PCDHGB5: variants seen among roughly 807,000 people sequenced by gnomAD.
PCDHGB5 encodes protocadherin gamma subfamily B, 5.
Under a neutral mutation model 62.9 loss-of-function variants are expected in PCDHGB5, and 48 were observed. The observed-to-expected ratio is 0.76, with a 90% CI of 0.61 to 0.97. PCDHGB5 has a LOEUF of 0.97. PCDHGB5 is among the 50% of genes least tolerant of loss of function. PCDHGB5 has a pLI of 0.00. For missense variants in PCDHGB5, 1,118 were observed against 1,198.6 expected, an observed-to-expected ratio of 0.93 and a Z score of 0.99; for synonymous variants, 474 against 511.2, an observed-to-expected ratio of 0.93 and a Z score of 0.98.
At chr5:141,506,247 G>A (rs113270457) in intron 3 of PCDHGB5, among the ~76,000 whole-genome samples, 8,033 of 152,078 alleles carry the variant, frequency 0.053, 470 homozygotes, top group African/African-American at 0.14. Flanking sequence ...TCAGGAGTTC[G>A]AAACCGGCCT....
chr5:141,456,229 C>G (rs191169523), intron 1 of PCDHGB5, among the ~76,000 whole-genome samples: 9 of 152,234 alleles, frequency 5.9e-5, no homozygotes, highest in African/African-American at 1.7e-4. Context: ...ATCAAACTAA[C>G]TGCTGTTAGG....
intron 1 of PCDHGB5, chr5:141,475,974 A>G: frequency 1.0e-6 from 1 of 975,714 alleles, no homozygotes; most frequent in Non-Finnish European, 1.5e-6. Flanking sequence ...GCAGAGACTG[A>G]ACAGCCGGCG....
chr5:141,438,074 T>C (rs963146682), intron 1 of PCDHGB5, among the ~76,000 whole-genome samples: 10 of 152,116 alleles, frequency 6.6e-5, no homozygotes, highest in African/African-American at 2.4e-4. Flanking sequence ...CCATACTTAA[T>C]GGAAAATTAC....
At chr5:141,403,525 C>T (rs1427557410) in intron 1 of PCDHGB5, 1 of 1,614,002 alleles carries the variant, frequency 6.2e-7, no homozygotes, top group South Asian at 1.1e-5. Flanking sequence ...GAGCCATAAA[C>T]CCAGAGCTGG....
chr5:141,413,477 C>A, intron 1 of PCDHGB5: 1 of 1,614,100 alleles, frequency 6.2e-7, no homozygotes, highest in Non-Finnish European at 8.5e-7. Flanking sequence ...GAGCTCTGCG[C>A]TCAGAGCGCG....
intron 3 of PCDHGB5, among the ~76,000 whole-genome samples, chr5:141,507,571 G>A (rs2099861692): frequency 6.6e-6 from 1 of 152,254 alleles, no homozygotes; most frequent in Non-Finnish European, 1.5e-5. Flanking sequence ...TGGGTCTGAG[G>A]AGATGCCAAG....
chr5:141,413,190 G>A (rs965319802), intron 1 of PCDHGB5: 11 of 1,607,556 alleles, frequency 6.8e-6, no homozygotes, highest in East Asian at 2.2e-5. Flanking sequence ...CCGCTCAAAG[G>A]AATCGCTCAA....
In PCDHGB5 at chr5:141,431,357, C is replaced by G. The variant is rs762220618; in HGVS notation, c.2397+30833C>G. 1.9e-5 allele frequency: 31 copies of G among 1,613,926 alleles called. No homozygotes were observed. Among genetic ancestry groups the G allele is most frequent in the Non-Finnish European group, 2.2e-5 (26 of 1,180,046 alleles). On this transcript the variant is annotated intron_variant, in intron 1 of 3. Coordinates refer to ENST00000617380, the MANE Select transcript of PCDHGB5 (RefSeq NM_018925.3). The surrounding 1 kb of genome is among the most constrained non-coding windows in gnomAD (Gnocchi z 4.8). ...CCCCGAATTGGTGCTGAAACGCGCC[C>G]TGGACCGCGAAGAAAAGGCTGCTCA...
At chr5:141,506,680 A>G (rs949777571) in intron 3 of PCDHGB5, among the ~76,000 whole-genome samples, 1 of 152,212 alleles carries the variant, frequency 6.6e-6, no homozygotes, top group Non-Finnish European at 1.5e-5. Context: ...ATATATTATT[A>G]TCTTTGCTGA....
At chr5:141,412,713 TG>T (rs1172943618) in intron 1 of PCDHGB5, 2 of 152,812 alleles carry the variant, frequency 1.3e-5, no homozygotes, top group Non-Finnish European at 2.9e-5. Context: ...TGTACATTTC[TG>T]TTGGGAAAAC....
chr5:141,500,187 TATTTA>T (rs1467273493), intron 2 of PCDHGB5, among the ~76,000 whole-genome samples: 2 of 110,668 alleles, frequency 1.8e-5, no homozygotes, highest in Non-Finnish European at 3.6e-5. Flanking sequence ...TTTTTATTTT[TATTTA>T]TTTATTTATT....
intron 2 of PCDHGB5, among the ~76,000 whole-genome samples, chr5:141,501,876 C>T (rs1463329895): frequency 6.6e-6 from 1 of 152,118 alleles, no homozygotes; most frequent in East Asian, 1.9e-4. Context: ...CGCCTCCTTA[C>T]ACTCCTGATC....
At chr5:141,428,146 C>T (rs549173211) in intron 1 of PCDHGB5, 15 of 1,589,346 alleles carry the variant, frequency 9.4e-6, no homozygotes, top group East Asian at 2.2e-5. Context: ...GGGCTGCACA[C>T]GGGAACCTGC....
chr5:141,433,935 T>C (rs2097665519), intron 1 of PCDHGB5, among the ~76,000 whole-genome samples: 1 of 152,150 alleles, frequency 6.6e-6, no homozygotes, highest in African/African-American at 2.4e-5. Context: ...GATTTTATAA[T>C]TCCATTGTTT....
chr5:141,409,951 G>C (rs1480000390), intron 1 of PCDHGB5: 1 of 1,613,256 alleles, frequency 6.2e-7, no homozygotes, highest in Non-Finnish European at 8.5e-7. Flanking sequence ...GCTCTGCAGA[G>C]CCCGGCTACC....
At chr5:141,483,972 A>G in intron 1 of PCDHGB5, among the ~76,000 whole-genome samples, 1 of 83,960 alleles carries the variant, frequency 1.2e-5, no homozygotes, top group Admixed American at 1.8e-4. Context: ...TGCTTGTGCA[A>G]GGGAGTAGCT....
chr5:141,484,715 G>A (rs576646182), intron 1 of PCDHGB5, among the ~76,000 whole-genome samples: 1 of 152,130 alleles, frequency 6.6e-6, no homozygotes, highest in African/African-American at 2.4e-5. Context: ...CCGCCGAAAA[G>A]GGGCGGGGTC....
chr5:141,487,684 C>G lies in PCDHGB5; in HGVS notation c.2398-7123C>G. On this transcript the variant is annotated intron_variant, in intron 1 of 3. Coordinates refer to ENST00000617380, the MANE Select transcript of PCDHGB5 (RefSeq NM_018925.3). The surrounding 1 kb of genome is among the most constrained non-coding windows in gnomAD (Gnocchi z 5.0). ...ATCCAGGCATATGGCTAGGCCATGT[C>G]CTAGAGAGTACTGGCCTCTCAGTAA... is the stretch of plus-strand genomic sequence containing the variant. The G allele has an allele frequency of 6.2e-7, 1 of 1,607,562 alleles. No individual in the cohort carries two copies. Among genetic ancestry groups the G allele is most frequent in the East Asian group, 2.2e-5 (1 of 44,768 alleles).
At chr5:141,447,214 A>G (rs2098530358) in intron 1 of PCDHGB5, among the ~76,000 whole-genome samples, 1 of 152,092 alleles carries the variant, frequency 6.6e-6, no homozygotes, top group Admixed American at 6.6e-5. Context: ...ATCTCGGCTC[A>G]CTGCAACCTC....
Sources: allele counts gnomAD v4.1 joint callset (sites outside exome capture counted in the v4.1 genomes callset), GRCh38; gene constraint gnomAD v4.1.1; non-coding constraint Gnocchi (gnomAD v3.1); transcripts MANE v1.5; gene names NCBI Gene and HGNC (gene_info 2026-07-23, HGNC 2026-07-21).